The following MORC3 variants were observed in gnomAD, a reference collection of about 807,000 sequenced individuals.
MORC3 encodes the protein MORC family CW-type zinc finger protein 3.
MORC3 carries 31 observed loss-of-function variants against 109.1 expected under a neutral mutation model. That is an observed-to-expected ratio of 0.28 (90% CI 0.21 to 0.38). MORC3 has a LOEUF of 0.38. Ranked by LOEUF, MORC3 falls within the 10% of genes least tolerant of loss-of-function variation. MORC3 has a pLI of 1.00. For missense variants in MORC3, 867 were observed against 1,135.8 expected (o/e 0.76, Z 3.40); for synonymous variants, 395 against 380.7 (o/e 1.04, Z -0.44).
At chr21:36,336,612 G>A (rs988617906) in intron 2 of MORC3, among the ~76,000 whole-genome samples, 2 of 152,090 alleles carry the variant, frequency 1.3e-5, no homozygotes, top group Non-Finnish European at 2.9e-5. Context: ...TGGTGTGCTG[G>A]GTACCAGTCT....
intron 16 of MORC3, among the ~76,000 whole-genome samples, chr21:36,374,024 C>G (rs1243970586): frequency 1.3e-5 from 2 of 152,234 alleles, no homozygotes; most frequent in African/African-American, 2.4e-5. Context: ...TTCAGCAAAC[C>G]ATTGTTCTCT....
chr21:36,356,384 G>GT (rs1192367344), intron 9 of MORC3, among the ~76,000 whole-genome samples: 3 of 151,928 alleles, frequency 2.0e-5, no homozygotes, highest in Non-Finnish European at 4.4e-5. Context: ...GTTCTTGGAA[G>GT]TTTTTTTCAA....
chr21:36,375,324 T>G lies in MORC3; in HGVS notation c.*28T>G, dbSNP rs992337265. ...TATATGTTATGTAAGATAAAATATT[T>G]GCTCAATTCTTTTGGTTGTACAGCT... is the stretch of plus-strand genomic sequence containing the variant. On this transcript the variant is annotated 3_prime_UTR_variant, in exon 17 of 17. Transcript: ENST00000400485. 6.3e-7 allele frequency: 1 copy of G among 1,575,444 alleles called. No homozygotes were observed. Among genetic ancestry groups the G allele is most frequent in the Admixed American group, 1.8e-5 (1 of 56,804 alleles).
chr21:36,368,843 C>T, intron 14 of MORC3, 145 bp from the exon 15 acceptor site: 2 of 738,914 alleles, frequency 2.7e-6, no homozygotes, highest in South Asian at 4.0e-5. Context: ...TGCCATTGCA[C>T]TCTAGCCTGG....
intron 15 of MORC3, among the ~76,000 whole-genome samples, chr21:36,371,545 A>G (rs1222384129): frequency 1.3e-5 from 2 of 152,224 alleles, no homozygotes; most frequent in Non-Finnish European, 2.9e-5. Flanking sequence ...CATGTAATGT[A>G]TTGAATCTGT....
In MORC3 at chr21:36,336,568, G is replaced by A. The variant is rs189448977; in HGVS notation, c.113-306G>A. 3.3e-5 allele frequency among the ~76,000 whole-genome samples: 5 copies of A among 152,302 alleles called. No individual in the cohort carries two copies. In the East Asian group the frequency reaches 9.6e-4, roughly 29 times the overall value. On this transcript the variant is annotated intron_variant, in intron 2 of 16. Coordinates refer to ENST00000400485, the MANE Select transcript of MORC3 (RefSeq NM_015358.3). ...CTTAGTCCATCTTTTAATCATCTCTGCAGTGTAGTGATTTTTCTTCCTTTG... is the reference window on the plus strand; with the variant it reads ...CTTAGTCCATCTTTTAATCATCTCTACAGTGTAGTGATTTTTCTTCCTTTG...
Position 36,353,523 on chromosome 21 carries a change from T to G in MORC3, c.1104-3097T>G, listed in dbSNP as rs374455801. The stretch of plus-strand genomic sequence containing the variant: ...TGGGAGGCTGATGTGGGTAGATCAC[T>G]TGAGATTAGGAGTTCGAGACCAGCC... On this transcript the variant is annotated intron_variant, in intron 9 of 16. Transcript: ENST00000400485. Among the ~76,000 whole-genome samples the G allele has an allele frequency of 4.0e-3, 602 of 151,298 alleles. 3 individuals carry two copies. The highest frequency in any genetic ancestry group is 0.021 in the Middle Eastern group (6 of 292).
rs551241770 is a variant in MORC3 at position 36,340,176 on chromosome 21, G to A, written c.609-1223G>A. 4.7e-3 allele frequency among the ~76,000 whole-genome samples: 711 copies of A among 152,040 alleles called. 4 individuals are homozygous for A. The highest frequency in any genetic ancestry group is 6.8e-3 in the Middle Eastern group (2 of 294). ...GCCTGTAGTCCCAGCTACTAAGGAGGCTGAGGCAGGAGAATGGCGTGAACC... is the reference window on the plus strand; with the variant it reads ...GCCTGTAGTCCCAGCTACTAAGGAGACTGAGGCAGGAGAATGGCGTGAACC... On this transcript the variant is annotated intron_variant, in intron 5 of 16. Coordinates refer to ENST00000400485, the MANE Select transcript of MORC3 (RefSeq NM_015358.3).
intron 9 of MORC3, among the ~76,000 whole-genome samples, chr21:36,352,400 G>A (rs1040961924): frequency 3.7e-4 from 9 of 24,472 alleles, no homozygotes; most frequent in Non-Finnish European, 7.8e-4. Context: ...AAAAGGGGTG[G>A]GGGGGGGCAG....
rs1481165354 is a variant in MORC3, at chr21:36,364,121, C to T, written c.1481C>T (p.Thr494Ile). Residue 494 changes from threonine (T) to isoleucine (I), a missense_variant, in exon 14 of 17, where the codon ACT (threonine) becomes ATT (isoleucine). Physicochemically the swap from Thr to Ile is moderately conservative, Grantham distance 89. Transcript: ENST00000400485. ...AATGCTGAACTGTTGTTTCGGCCAA[C>T]TGCTCTTTCAACTCCAAGCTTTTCT... ...RINAELLFRPTALSTPSFSSP... is the reference protein window; with the variant it reads ...RINAELLFRPIALSTPSFSSP... The T allele has an allele frequency of 6.2e-7, 1 of 1,613,950 alleles. No individual in the cohort carries two copies. Among genetic ancestry groups the T allele is most frequent in the African/African-American group, 1.3e-5 (1 of 74,920 alleles).
At chr21:36,358,771 CT>C (rs1289360455) in intron 10 of MORC3, among the ~76,000 whole-genome samples, 7 of 152,096 alleles carry the variant, frequency 4.6e-5, no homozygotes, top group Non-Finnish European at 1.0e-4. Flanking sequence ...GCTCTGCCTC[CT>C]GGGTTCATAC....
intron 14 of MORC3, among the ~76,000 whole-genome samples, chr21:36,364,839 G>T (rs2085760855): frequency 6.7e-6 from 1 of 149,458 alleles, no homozygotes; most frequent in Non-Finnish European, 1.5e-5. Context: ...ATCATTTGAG[G>T]TCAGGAGTTC....
At chr21:36,336,588 C>G (rs1463668727) in intron 2 of MORC3, among the ~76,000 whole-genome samples, 1 of 152,144 alleles carries the variant, frequency 6.6e-6, no homozygotes, top group Non-Finnish European at 1.5e-5. Context: ...GATTTTTCTT[C>G]CTTTGTACTT....
intron 1 of MORC3, chr21:36,320,616 G>C (rs2085180599): frequency 1.0e-5 from 3 of 291,116 alleles, no homozygotes; most frequent in Admixed American, 1.0e-4. Flanking sequence ...GCGGGAGATC[G>C]GTCTGCTCTC....
At chr21:36,344,055 C>T (rs995688488) in intron 6 of MORC3, among the ~76,000 whole-genome samples, 4 of 152,004 alleles carry the variant, frequency 2.6e-5, no homozygotes, top group Admixed American at 6.6e-5. Flanking sequence ...TTTTAAATGA[C>T]GCAAAGCACC....
chr21:36,327,938 A>G (rs1283076578), intron 1 of MORC3, among the ~76,000 whole-genome samples: 2 of 150,888 alleles, frequency 1.3e-5, no homozygotes, highest in Non-Finnish European at 3.0e-5. Flanking sequence ...GTGCAGTGGC[A>G]TGATCTTGGC....
intron 1 of MORC3, among the ~76,000 whole-genome samples, chr21:36,327,155 CTTTTTTTTTTTTTT>C (rs71326674): frequency 2.4e-5 from 2 of 81,952 alleles, no homozygotes; most frequent in Admixed American, 1.6e-4. Context: ...GGCTTTATTT[CTTTTTTTTTTTTTT>C]TTTTTTTTTT....
intron 6 of MORC3, among the ~76,000 whole-genome samples, chr21:36,341,956 G>A (rs1011303783): frequency 2.6e-5 from 4 of 152,160 alleles, no homozygotes; most frequent in Non-Finnish European, 4.4e-5. Context: ...GCCCGTGCAC[G>A]GTGGTTCACA....
intron 5 of MORC3, among the ~76,000 whole-genome samples, chr21:36,339,930 A>G (rs528672629): frequency 1.1e-4 from 16 of 152,130 alleles, no homozygotes; most frequent in Non-Finnish European, 2.1e-4. Flanking sequence ...GTAAGAAGTA[A>G]TAGAGAGATG....
Sources: allele counts gnomAD v4.1 joint callset (sites outside exome capture counted in the v4.1 genomes callset), GRCh38; gene constraint gnomAD v4.1.1; transcripts MANE v1.5; gene names NCBI Gene and HGNC (gene_info 2026-07-23, HGNC 2026-07-21).